Variants in CHCHD3 observed in about 807,000 individuals in gnomAD.
CHCHD3 encodes MICOS complex subunit MIC19.
CHCHD3 carries 20 observed loss-of-function variants against 38.2 expected under a neutral mutation model. That is an observed-to-expected ratio of 0.52 (90% CI 0.37 to 0.76). The LOEUF (loss-of-function observed/expected upper bound fraction) is 0.76. CHCHD3 is among the 30% of genes least tolerant of loss of function. The pLI is 0.00. For synonymous variants in CHCHD3, 82 were observed against 100.0 expected (o/e 0.82, Z 1.07); for missense variants, 245 against 279.2 (o/e 0.88, Z 0.87).
At chr7:132,862,064 TGATGGATGGATGGATGGATG>T (rs10666936) in intron 5 of CHCHD3, among the ~76,000 whole-genome samples, 2 of 145,706 alleles carry the variant, frequency 1.4e-5, no homozygotes, top group African/African-American at 5.1e-5. Flanking sequence ...TAATGTTTGC[TGATGGATGGATGGATGGATG>T]GATGGATGGA....
At chr7:132,825,635 G>A (rs2117075561) in intron 6 of CHCHD3, among the ~76,000 whole-genome samples, 1 of 152,368 alleles carries the variant, frequency 6.6e-6, no homozygotes. Context: ...CTGTAATGGA[G>A]GTGTTACGAA....
intron 3 of CHCHD3, among the ~76,000 whole-genome samples, chr7:133,017,490 T>C (rs1355019736): frequency 6.6e-6 from 1 of 152,208 alleles, no homozygotes; most frequent in Non-Finnish European, 1.5e-5. Context: ...TACAGCTATA[T>C]AACACTGAGA....
chr7:132,919,100 CTTTTTTTTTT>C (rs5887600), intron 4 of CHCHD3, among the ~76,000 whole-genome samples: 5 of 69,494 alleles, frequency 7.2e-5, no homozygotes, highest in Non-Finnish European at 9.9e-5. Context: ...TGGGTTTATT[CTTTTTTTTTT>C]TTTTTTTTTT....
rs554564364 is a variant in CHCHD3 at position 133,000,970 on chromosome 7, C to T, written c.251+23576G>A. Among the ~76,000 whole-genome samples, 9 of 152,246 alleles carry T rather than the reference C, an allele frequency of 5.9e-5. No homozygotes were observed. In the East Asian group the frequency reaches 1.7e-3, roughly 29 times the overall value. ...GTATTTCTATTCCAAAACTTCAAAGCAATACAGAGGTACATGTTACAACTT... is the reference window on the plus strand; with the variant it reads ...GTATTTCTATTCCAAAACTTCAAAGTAATACAGAGGTACATGTTACAACTT... On this transcript the variant is annotated intron_variant, in intron 3 of 7. Transcript: ENST00000262570.
chr7:132,809,085 G>A lies in CHCHD3; in HGVS notation c.525-12508C>T, dbSNP rs994679650. Among the ~76,000 whole-genome samples the A allele has an allele frequency of 2.6e-5, 4 of 151,672 alleles. No individual in the cohort carries two copies. The South Asian group carries it at 6.3e-4, about 24-fold the overall frequency. The stretch of plus-strand genomic sequence containing the variant: ...CCACCTCAGCCTCCTGAGTAGCTGG[G>A]ACTACAGGCGTGTACCACCACACTT... On this transcript the variant is annotated intron_variant, in intron 6 of 7. Transcript: ENST00000262570.
intron 2 of CHCHD3, among the ~76,000 whole-genome samples, chr7:133,060,368 C>T (rs577209471): frequency 2.0e-5 from 3 of 152,210 alleles, no homozygotes; most frequent in African/African-American, 7.2e-5. Context: ...GGGTGTGTAA[C>T]GGGCAATGGC....
At chr7:132,829,529 C>T (rs1467311521) in intron 6 of CHCHD3, among the ~76,000 whole-genome samples, 1 of 152,144 alleles carries the variant, frequency 6.6e-6, no homozygotes, top group African/African-American at 2.4e-5. Flanking sequence ...TAAGAGCTGC[C>T]ACAAGAATGG....
At chr7:132,820,693 G>A (rs1436771865) in intron 6 of CHCHD3, among the ~76,000 whole-genome samples, 1 of 148,632 alleles carries the variant, frequency 6.7e-6, no homozygotes, top group African/African-American at 2.5e-5. Context: ...CGGGCTTTTG[G>A]GGACTAATCT....
intron 6 of CHCHD3, among the ~76,000 whole-genome samples, chr7:132,799,796 A>G (rs991243436): frequency 6.6e-6 from 1 of 152,186 alleles, no homozygotes; most frequent in Non-Finnish European, 1.5e-5. Flanking sequence ...CATGGATCCT[A>G]CCATATGTAT....
intron 5 of CHCHD3, among the ~76,000 whole-genome samples, chr7:132,844,019 G>A (rs1224781815): frequency 6.6e-6 from 1 of 152,226 alleles, no homozygotes; most frequent in Non-Finnish European, 1.5e-5. Flanking sequence ...GAACAAACGG[G>A]CCGGGCGAAG....
intron 7 of CHCHD3, among the ~76,000 whole-genome samples, chr7:132,790,474 T>G (rs1806429325): frequency 6.6e-6 from 1 of 152,080 alleles, no homozygotes; most frequent in Admixed American, 6.5e-5. Context: ...ATGGAAGAGG[T>G]TGGGATAGGA....
At chr7:132,955,537 TTTTTG>T (rs1429732797) in intron 4 of CHCHD3, among the ~76,000 whole-genome samples, 5 of 149,752 alleles carry the variant, frequency 3.3e-5, no homozygotes, top group Non-Finnish European at 3.0e-5. Context: ...TTTTTGGGGT[TTTTTG>T]TTTTTTTTTT....
chr7:132,816,473 T>G (rs1807202592), intron 6 of CHCHD3, among the ~76,000 whole-genome samples: 1 of 152,166 alleles, frequency 6.6e-6, no homozygotes, highest in South Asian at 2.1e-4. Flanking sequence ...ATTTTAGGAG[T>G]ACCTTCCCCA....
At chr7:133,018,751 T>C (rs558941929) in intron 3 of CHCHD3, among the ~76,000 whole-genome samples, 50 of 152,024 alleles carry the variant, frequency 3.3e-4, no homozygotes, top group Non-Finnish European at 5.9e-4. Context: ...ACATACATAA[T>C]ATAGAACTGC....
intron 3 of CHCHD3, among the ~76,000 whole-genome samples, chr7:133,016,119 G>A (rs1813024130): frequency 6.6e-6 from 1 of 152,098 alleles, no homozygotes; most frequent in Admixed American, 6.5e-5. Context: ...ATGAGATGTG[G>A]GTGGGGACAT....
At chr7:132,836,003 C>T (rs890583180) in intron 6 of CHCHD3, among the ~76,000 whole-genome samples, 1 of 152,170 alleles carries the variant, frequency 6.6e-6, no homozygotes, top group African/African-American at 2.4e-5. Context: ...TGACCTTAGA[C>T]TTCTAGCCTC....
intron 5 of CHCHD3, among the ~76,000 whole-genome samples, chr7:132,871,874 A>G (rs1292966035): frequency 6.6e-6 from 1 of 152,226 alleles, no homozygotes; most frequent in Non-Finnish European, 1.5e-5. Context: ...TATAATCAAG[A>G]GAGGTATAAA....
chr7:132,826,693 G>A (rs1041466044), intron 6 of CHCHD3, among the ~76,000 whole-genome samples: 1 of 152,174 alleles, frequency 6.6e-6, no homozygotes, highest in African/African-American at 2.4e-5. Flanking sequence ...GGGCCAAGAC[G>A]CAAGCTTTTA....
At chr7:133,004,026 C>T (rs1291541982) in intron 3 of CHCHD3, among the ~76,000 whole-genome samples, 1 of 151,814 alleles carries the variant, frequency 6.6e-6, no homozygotes, top group Non-Finnish European at 1.5e-5. Context: ...GGCGCAATCT[C>T]GGTTCACTGC....
Sources: allele counts gnomAD v4.1 joint callset (sites outside exome capture counted in the v4.1 genomes callset), GRCh38; gene constraint gnomAD v4.1.1; transcripts MANE v1.5; gene names NCBI Gene and HGNC (gene_info 2026-07-23, HGNC 2026-07-21).